The following CELF4 variants were observed in gnomAD, a reference collection of about 807,000 sequenced individuals.
The protein encoded by CELF4 is CUG-BP- and ETR-3-like factor 4.
In CELF4, 18 loss-of-function variants were observed where a neutral mutation model predicts 59.9. The observed-to-expected ratio is 0.30, with a 90% CI of 0.21 to 0.45. The LOEUF is 0.45. CELF4 is among the 20% of genes least tolerant of loss of function. CELF4 has a pLI of 1.00. For synonymous variants in CELF4, 261 were observed against 267.1 expected, an observed-to-expected ratio of 0.98 and a Z score of 0.22; for missense variants, 456 against 689.0, an observed-to-expected ratio of 0.66 and a Z score of 3.79.
chr18:37,264,171 G>A (rs72900318), intron 10 of CELF4, among the ~76,000 whole-genome samples: 13,726 of 152,284 alleles, frequency 0.09, 845 homozygotes, highest in Middle Eastern at 0.15. Flanking sequence ...ATGGGCCTCT[G>A]TCTCCTCTGG....
At chr18:37,349,189 C>T (rs139924854) in intron 2 of CELF4, among the ~76,000 whole-genome samples, 1 of 152,224 alleles carries the variant, frequency 6.6e-6, no homozygotes, top group Non-Finnish European at 1.5e-5. Context: ...ATAGCGCAGG[C>T]GGTTTCGGCA....
At chr18:37,358,426 C>T (rs1028718418) in intron 2 of CELF4, among the ~76,000 whole-genome samples, 1 of 152,214 alleles carries the variant, frequency 6.6e-6, no homozygotes, top group African/African-American at 2.4e-5. Flanking sequence ...CTCCATTATA[C>T]TTTCCTTTGT....
chr18:37,279,432 G>A (rs1027374772), intron 3 of CELF4, among the ~76,000 whole-genome samples: 18 of 152,304 alleles, frequency 1.2e-4, no homozygotes, highest in South Asian at 2.1e-4. Flanking sequence ...CCTGGGAGTT[G>A]GAAAGTGAGC....
chr18:37,558,572 G>A (rs1020624372), intron 1 of CELF4, among the ~76,000 whole-genome samples: 1 of 145,084 alleles, frequency 6.9e-6, no homozygotes, highest in Non-Finnish European at 1.5e-5. Context: ...GGGTGGGGGG[G>A]GCTCTGTTCT....
At chr18:37,505,130 G>A (rs1000555663) in intron 1 of CELF4, among the ~76,000 whole-genome samples, 10 of 151,646 alleles carry the variant, frequency 6.6e-5, no homozygotes, top group African/African-American at 2.4e-4. Context: ...GGAGAAGCAG[G>A]GGCAGGGGGC....
At chr18:37,520,694 C>T (rs994813367) in intron 1 of CELF4, among the ~76,000 whole-genome samples, 4 of 152,136 alleles carry the variant, frequency 2.6e-5, no homozygotes, top group African/African-American at 9.7e-5. Context: ...CCTATGAAGG[C>T]TTGGGCAGAG....
At chr18:37,259,104 T>G (rs1281375200) in intron 11 of CELF4, 77 bp downstream of exon 11, 1 of 1,606,734 alleles carries the variant, frequency 6.2e-7, no homozygotes, top group South Asian at 1.1e-5. Flanking sequence ...GCTAATTGGT[T>G]TGTTATCTTT....
intron 2 of CELF4, among the ~76,000 whole-genome samples, chr18:37,423,262 C>G (rs1384355214): frequency 6.6e-6 from 1 of 152,176 alleles, no homozygotes; most frequent in Non-Finnish European, 1.5e-5. Flanking sequence ...CTTGGCTCAT[C>G]CACGTCCAGG....
intron 2 of CELF4, among the ~76,000 whole-genome samples, chr18:37,352,188 C>T (rs925427768): frequency 6.6e-6 from 1 of 152,246 alleles, no homozygotes; most frequent in African/African-American, 2.4e-5. Context: ...CAGACCACAC[C>T]TTTGCAGGTG....
At chr18:37,482,932 A>T (rs2099872291) in intron 2 of CELF4, among the ~76,000 whole-genome samples, 1 of 152,092 alleles carries the variant, frequency 6.6e-6, no homozygotes, top group Non-Finnish European at 1.5e-5. Context: ...AAGTGCCTAA[A>T]TTGCTGAGGT....
At chr18:37,383,684 T>C (rs2154570595) in intron 2 of CELF4, among the ~76,000 whole-genome samples, 1 of 152,298 alleles carries the variant, frequency 6.6e-6, no homozygotes, top group Admixed American at 6.5e-5. Context: ...TTGATTCCCA[T>C]GATAGTCTTG....
At chr18:37,390,556 CA>C (rs1004106545) in intron 2 of CELF4, among the ~76,000 whole-genome samples, 1 of 152,010 alleles carries the variant, frequency 6.6e-6, no homozygotes, top group African/African-American at 2.4e-5. Flanking sequence ...ATGGTGAGAG[CA>C]CCTGTCATGT....
intron 2 of CELF4, 70 bp downstream of exon 2, chr18:37,485,454 CG>C: frequency 9.9e-7 from 1 of 1,005,574 alleles, no homozygotes; most frequent in Non-Finnish European, 1.2e-6. Flanking sequence ...CGCGCCGCGC[CG>C]CCGCCCGGCC....
chr18:37,460,133 C>T (rs554192706), intron 2 of CELF4, among the ~76,000 whole-genome samples: 3 of 152,150 alleles, frequency 2.0e-5, no homozygotes, highest in Non-Finnish European at 4.4e-5. Flanking sequence ...ATCACCATGG[C>T]CCCAGGGCTC....
intron 3 of CELF4, among the ~76,000 whole-genome samples, chr18:37,287,158 G>A (rs1393548089): frequency 6.6e-6 from 1 of 152,100 alleles, no homozygotes; most frequent in African/African-American, 2.4e-5. Context: ...GATTGGTTGG[G>A]AGCCCAGATG....
intron 2 of CELF4, among the ~76,000 whole-genome samples, chr18:37,432,595 G>A (rs1438130010): frequency 1.3e-5 from 2 of 152,170 alleles, no homozygotes; most frequent in Non-Finnish European, 2.9e-5. Context: ...TGAAAGATGC[G>A]CAGGAGAATA....
At chr18:37,482,169 G>A (rs2099869600) in intron 2 of CELF4, among the ~76,000 whole-genome samples, 1 of 152,198 alleles carries the variant, frequency 6.6e-6, no homozygotes, top group Admixed American at 6.5e-5. Context: ...GGAGGTGGAT[G>A]TGTTTTTCTT....
chr18:37,256,210 C>T (rs1176148626), intron 11 of CELF4, among the ~76,000 whole-genome samples: 4 of 152,312 alleles, frequency 2.6e-5, no homozygotes, highest in East Asian at 1.9e-4. Flanking sequence ...TGGGAAGGCC[C>T]GCAGATAGAA....
At chr18:37,370,693 C>A (rs1442564362) in intron 2 of CELF4, among the ~76,000 whole-genome samples, 4 of 152,188 alleles carry the variant, frequency 2.6e-5, no homozygotes, top group Non-Finnish European at 5.9e-5. Flanking sequence ...GCCCCAGAAA[C>A]AAGCCTTTTC....
Sources: gnomAD v4.1 joint callset for allele counts (sites outside exome capture counted in the v4.1 genomes callset) on GRCh38, gnomAD v4.1.1 for gene constraint, MANE v1.5 for transcripts, NCBI Gene and HGNC (gene_info 2026-07-23, HGNC 2026-07-21) for gene names.